The following ATAD2 variants were observed in gnomAD, a reference collection of about 807,000 sequenced individuals.
ATAD2 encodes ATPase family AAA domain containing 2.
In ATAD2, 62 loss-of-function variants were observed where a neutral mutation model predicts 168.9. That is an observed-to-expected ratio of 0.37 (90% CI 0.30 to 0.45). The LOEUF is 0.45. Ranked by LOEUF, ATAD2 falls within the 20% of genes least tolerant of loss-of-function variation. The pLI is 1.00. For synonymous variants in ATAD2, 613 were observed against 571.6 expected (o/e 1.07, Z -1.03); for missense variants, 1,419 against 1,667.8 (o/e 0.85, Z 2.60).
intron 19 of ATAD2, among the ~76,000 whole-genome samples, chr8:123,341,689 T>G (rs1446171985): frequency 2.0e-5 from 3 of 152,232 alleles, no homozygotes; most frequent in Non-Finnish European, 2.9e-5. Context: ...TTCCTAGCCT[T>G]TCTTGCAATG....
intron 6 of ATAD2, among the ~76,000 whole-genome samples, chr8:123,370,664 G>A (rs1829124246): frequency 6.6e-6 from 1 of 152,036 alleles, no homozygotes; most frequent in South Asian, 2.1e-4. Flanking sequence ...TGTCCATAGT[G>A]GATGTATTAC....
chr8:123,414,188 T>C (rs1813206230), intron 1 of ATAD2, among the ~76,000 whole-genome samples: 4 of 151,354 alleles, frequency 2.6e-5, no homozygotes. Context: ...CTAACATTTA[T>C]ATTATATGCT....
chr8:123,371,087 C>A, intron 5 of ATAD2, 97 bp from the exon 6 acceptor site: 1 of 1,125,566 alleles, frequency 8.9e-7, no homozygotes, highest in Non-Finnish European at 1.2e-6. Flanking sequence ...AAGATATTTA[C>A]AGCCATAAAC....
At position 123,401,504 on chromosome 8, in the gene ATAD2, G is replaced by A. The variant is rs1395038096; in HGVS notation, c.-2281-329C>T. The A allele has an allele frequency of 1.0e-5, 16 of 1,567,790 alleles. No individual in the cohort carries two copies. In the Admixed American group the frequency reaches 2.0e-4, roughly 20 times the overall value. ...ACGTGGTGACAGCAGCCCAGGCCAA[G>A]AACCTGATTGATGCTGGTGTGGACG... On this transcript the variant is annotated intron_variant, in intron 1 of 28. Transcript: ENST00000521903.
Position 123,321,100 on chromosome 8 carries a change from C to T in ATAD2, c.*34G>A. 6.3e-7 allele frequency: 1 copy of T among 1,592,746 alleles called. No individual in the cohort carries two copies. Reference sequence around the variant, plus strand: ...ATGACAAAAATGACTTAAATAGGAACTGAATATAAAGAATACTCGATACCA... The same window carrying T: ...ATGACAAAAATGACTTAAATAGGAATTGAATATAAAGAATACTCGATACCA... On this transcript the variant is annotated 3_prime_UTR_variant, in exon 28 of 28. Transcript: ENST00000287394.
At chr8:123,349,811 AAGAGTAC>A (rs1828389447) in intron 13 of ATAD2, among the ~76,000 whole-genome samples, 1 of 151,746 alleles carries the variant, frequency 6.6e-6, no homozygotes, top group African/African-American at 2.4e-5. Context: ...CTGAGGTGGG[AAGAGTAC>A]TCGAGGCCAG....
At chr8:123,409,705 C>A (rs975070146) in intron 1 of ATAD2, among the ~76,000 whole-genome samples, 3 of 151,766 alleles carry the variant, frequency 2.0e-5, no homozygotes, top group Non-Finnish European at 2.9e-5. Context: ...CAGGGGCTCG[C>A]GTCTGTAATC....
chr8:123,379,303 T>C (rs902453295), intron 2 of ATAD2, among the ~76,000 whole-genome samples: 4 of 152,016 alleles, frequency 2.6e-5, no homozygotes, highest in Non-Finnish European at 4.4e-5. Flanking sequence ...CACCAACACA[T>C]AGAAATTCAT....
intron 1 of ATAD2, among the ~76,000 whole-genome samples, chr8:123,384,451 A>C (rs946290537): frequency 3.9e-5 from 6 of 152,214 alleles, no homozygotes; most frequent in Non-Finnish European, 8.8e-5. Flanking sequence ...TTTCATGGTC[A>C]TTGATCCATC....
intron 1 of ATAD2, among the ~76,000 whole-genome samples, chr8:123,407,091 T>C (rs1401480937): frequency 1.3e-5 from 2 of 151,944 alleles, no homozygotes; most frequent in African/African-American, 4.8e-5. Context: ...CAGGCAGAGA[T>C]TGCAGTGATG....
intron 1 of ATAD2, among the ~76,000 whole-genome samples, chr8:123,388,029 T>TTAAACATG (rs1829695445): frequency 6.6e-6 from 1 of 152,188 alleles, no homozygotes; most frequent in African/African-American, 2.4e-5. Flanking sequence ...TATCCTTCCT[T>TTAAACATG]AGTTTTGTCT....
chr8:123,405,218 G>C (rs1378590229), intron 1 of ATAD2, among the ~76,000 whole-genome samples: 1 of 151,384 alleles, frequency 6.6e-6, no homozygotes, highest in Non-Finnish European at 1.5e-5. Context: ...GGCTGTATTT[G>C]TCCCAAGGAG....
intron 2 of ATAD2, among the ~76,000 whole-genome samples, chr8:123,379,668 T>G (rs1829432715): frequency 6.6e-6 from 1 of 151,842 alleles, no homozygotes; most frequent in South Asian, 2.1e-4. Context: ...GTTCAAGTGA[T>G]TCTTCTGCCT....
Position 123,347,242 on chromosome 8 carries a change from G to C in ATAD2, c.2062C>G (p.Pro688Ala), listed in dbSNP as rs747180199. 6.2e-7 allele frequency: 1 copy of C among 1,614,110 alleles called. No individual in the cohort carries two copies. Among genetic ancestry groups the C allele is most frequent in the Non-Finnish European group, 8.5e-7 (1 of 1,180,028 alleles). The change falls in exon 16 of 28, where the codon CCA becomes GCA. Residue 688 changes from proline to alanine, a missense_variant. Around this residue, in one of 5 missense-constraint regions of ATAD2, gnomAD observed 545 missense variants for 724.9 expected, o/e 0.75. Coordinates refer to ENST00000287394, the MANE Select transcript of ATAD2 (RefSeq NM_014109.4). The part of the protein sequence containing the change: ...DFEVAMQKMI[P>A]ASQRAVTSPG... The stretch of plus-strand genomic sequence containing the variant: ...GATGTCACAGCTCTTTGGGAGGCTG[G>C]TATCATCTTTTGCATAGCTACCTCG...
At chr8:123,408,985 G>A (rs554208566) in intron 1 of ATAD2, among the ~76,000 whole-genome samples, 3 of 151,854 alleles carry the variant, frequency 2.0e-5, no homozygotes, top group East Asian at 1.9e-4. Context: ...GTGCCACCAC[G>A]CCTAGCTAAT....
At position 123,357,579 on chromosome 8, in the gene ATAD2, G is replaced by A; in HGVS notation, c.1540C>T (p.Arg514Ter). The A allele has an allele frequency of 6.2e-7, 1 of 1,612,896 alleles. No individual in the cohort carries two copies. Among genetic ancestry groups the A allele is most frequent in the Non-Finnish European group, 8.5e-7 (1 of 1,179,642 alleles). ...KWVGESERQL[R>*]LLFDQAYQMR... ...TATCATACCTGATCAAACAGCAATC[G>A]TAGCTGTCTTTCAGATTCTCCTACC... The change falls in exon 12 of 28, where the codon CGA becomes TGA. Residue 514 changes from arginine to a stop codon, truncating the protein, a stop_gained. Transcript: ENST00000287394. LOFTEE classifies it high-confidence loss of function.
Position 123,359,267 on chromosome 8 carries a change from A to C in ATAD2, c.1336T>G (p.Leu446Val). Residue 446 changes from leucine to valine, a missense_variant, in exon 11 of 28, where the codon TTA (leucine) becomes GTA (valine). By Grantham distance (32) the Leu-to-Val change is conservative. Transcript: ENST00000287394. Reference protein sequence around the residue: ...AALKEMVVFPLLYPEVFEKFK... With the variant: ...AALKEMVVFPVLYPEVFEKFK... ...TTTTCAAAGACTTCTGGATAAAGTA[A>C]TGGAAACACCACCATCTCTTTTAGA... The C allele has an allele frequency of 6.2e-7, 1 of 1,612,224 alleles. No individual in the cohort carries two copies. The highest frequency in any genetic ancestry group is 2.2e-5 in the East Asian group (1 of 44,816).
At chr8:123,339,124 A>G (rs1827997997) in intron 20 of ATAD2, among the ~76,000 whole-genome samples, 187 bp downstream of exon 20, 1 of 152,186 alleles carries the variant, frequency 6.6e-6, no homozygotes, top group Admixed American at 6.5e-5. Context: ...ATACTATGAA[A>G]GACTTTGTGT....
intron 22 of ATAD2, among the ~76,000 whole-genome samples, chr8:123,335,385 A>G (rs567893713): frequency 6.6e-6 from 1 of 152,340 alleles, no homozygotes; most frequent in Admixed American, 6.5e-5. Flanking sequence ...TGGGAGGGAA[A>G]GAATAGTAAG....
Sources: allele counts gnomAD v4.1 joint callset (sites outside exome capture counted in the v4.1 genomes callset), GRCh38; gene constraint gnomAD v4.1.1; regional missense constraint gnomAD v4.1.1; transcripts MANE v1.5; gene names NCBI Gene and HGNC (gene_info 2026-07-23, HGNC 2026-07-21).